Variants in TENM2 observed in about 807,000 individuals in gnomAD.
The protein encoded by TENM2 is teneurin-2.
In TENM2, 52 loss-of-function variants were observed where a neutral mutation model predicts 245.2. That is an observed-to-expected ratio of 0.21 (90% CI 0.17 to 0.27). The LOEUF (loss-of-function observed/expected upper bound fraction) is 0.27, where lower values mean the gene tolerates loss of function less well. Ranked by LOEUF, TENM2 falls within the 10% of genes least tolerant of loss-of-function variation. The pLI is 1.00. For synonymous variants in TENM2, 1,363 were observed against 1,438.9 expected, an observed-to-expected ratio of 0.95 and a Z score of 1.19; for missense variants, 3,046 against 3,666.8, an observed-to-expected ratio of 0.83 and a Z score of 4.37.
At chr5:167,286,896 G>C (rs964139678) in intron 1 of TENM2, among the ~76,000 whole-genome samples, 1 of 152,004 alleles carries the variant, frequency 6.6e-6, no homozygotes, top group Non-Finnish European at 1.5e-5. Flanking sequence ...GTTTAGTCTT[G>C]TTCCCCTCCA....
At chr5:167,696,663 T>C (rs773146230) in intron 2 of TENM2, among the ~76,000 whole-genome samples, 1 of 152,216 alleles carries the variant, frequency 6.6e-6, no homozygotes, top group Admixed American at 6.5e-5. Flanking sequence ...GAGAGTGTGC[T>C]GTATTTTCTA....
intron 7 of TENM2, among the ~76,000 whole-genome samples, chr5:168,073,740 A>G (rs1310540829): frequency 6.6e-6 from 1 of 152,208 alleles, no homozygotes; most frequent in Non-Finnish European, 1.5e-5. Context: ...AAAATAACAG[A>G]TCGAGACTTA....
chr5:167,630,487 G>T (rs527587801), intron 2 of TENM2, among the ~76,000 whole-genome samples: 1 of 152,044 alleles, frequency 6.6e-6, no homozygotes, highest in Non-Finnish European at 1.5e-5. Context: ...CTTATTTTTC[G>T]AATTTTTCAT....
chr5:167,016,523 C>T, the TENM2 span, among the ~76,000 whole-genome samples: 2 of 152,148 alleles, frequency 1.3e-5, no homozygotes, highest in East Asian at 3.9e-4. Context: ...AGTTTTTCTC[C>T]TGTCTTAACT....
the TENM2 span, among the ~76,000 whole-genome samples, chr5:167,196,904 A>G: frequency 2.6e-5 from 4 of 151,830 alleles, no homozygotes; most frequent in African/African-American, 9.7e-5. Context: ...CATTTCCTGG[A>G]ACTAATCTCC....
intron 12 of TENM2, among the ~76,000 whole-genome samples, chr5:168,151,042 A>G (rs1247666330): frequency 1.3e-5 from 2 of 152,178 alleles, no homozygotes; most frequent in Non-Finnish European, 2.9e-5. Flanking sequence ...TCACCCGTGA[A>G]CTGACCCTGG....
At chr5:167,783,903 G>A (rs1454211407) in intron 2 of TENM2, among the ~76,000 whole-genome samples, 2 of 152,020 alleles carry the variant, frequency 1.3e-5, no homozygotes, top group African/African-American at 4.8e-5. Flanking sequence ...GTCAAGCTTA[G>A]AGGTGCAGTG....
At chr5:167,968,201 T>C (rs1781519988) in intron 4 of TENM2, among the ~76,000 whole-genome samples, 1 of 152,228 alleles carries the variant, frequency 6.6e-6, no homozygotes, top group Non-Finnish European at 1.5e-5. Flanking sequence ...GTTTTTTTCT[T>C]TCAAAACCCA....
In TENM2 at chr5:167,785,795, C is replaced by T. The variant is rs146013928; in HGVS notation, c.503-90191C>T. ...TGACATTTCCTAAGAGAGCATTAGA[C>T]AAGGGACAGCAAGCTCAAATGTCCA... On this transcript the variant is annotated intron_variant, in intron 2 of 28. Coordinates refer to ENST00000518659, the Ensembl canonical transcript of TENM2. 3.0e-4 allele frequency among the ~76,000 whole-genome samples: 46 copies of T among 152,304 alleles called. No individual in the cohort carries two copies. In the East Asian group the frequency reaches 7.0e-3, roughly 23 times the overall value.
chr5:167,049,717 G>C, the TENM2 span, among the ~76,000 whole-genome samples: 1 of 152,126 alleles, frequency 6.6e-6, no homozygotes, highest in African/African-American at 2.4e-5. Flanking sequence ...TAGCAAGGTT[G>C]CTTATATTTG....
chr5:167,565,064 AAAG>A (rs1184488833), intron 2 of TENM2, among the ~76,000 whole-genome samples: 1 of 152,262 alleles, frequency 6.6e-6, no homozygotes, highest in East Asian at 1.9e-4. Context: ...AAAATCCAGA[AAAG>A]AAATGGTGAT....
chr5:167,762,982 C>T (rs942114941), intron 2 of TENM2, among the ~76,000 whole-genome samples: 1 of 152,168 alleles, frequency 6.6e-6, no homozygotes, highest in Admixed American at 6.5e-5. Flanking sequence ...TTTCCATTAT[C>T]ACTGATTACC....
the TENM2 span, among the ~76,000 whole-genome samples, chr5:167,022,166 T>C: frequency 6.6e-6 from 1 of 152,326 alleles, no homozygotes; most frequent in East Asian, 1.9e-4. Flanking sequence ...AGGAAATTCT[T>C]TAACATCTGC....
the TENM2 span, among the ~76,000 whole-genome samples, chr5:167,098,691 C>T: frequency 3.5e-4 from 54 of 152,192 alleles, no homozygotes; most frequent in Middle Eastern, 6.8e-3. Flanking sequence ...AGGGAATGGT[C>T]GAGTGTTTTG....
At chr5:167,975,697 T>G (rs1782387072) in intron 4 of TENM2, among the ~76,000 whole-genome samples, 1 of 152,176 alleles carries the variant, frequency 6.6e-6, no homozygotes, top group African/African-American at 2.4e-5. Context: ...TACCTATGGC[T>G]ATTACACAAA....
chr5:167,768,609 G>A (rs1415759378), intron 2 of TENM2, among the ~76,000 whole-genome samples: 2 of 152,116 alleles, frequency 1.3e-5, no homozygotes, highest in African/African-American at 4.8e-5. Flanking sequence ...TGGTGGTGGG[G>A]ATCCCAAGCT....
At chr5:167,103,415 G>A in the TENM2 span, among the ~76,000 whole-genome samples, 2 of 152,140 alleles carry the variant, frequency 1.3e-5, no homozygotes, top group Non-Finnish European at 2.9e-5. Context: ...TGTGTTTACC[G>A]AAGGAGTTCA....
At chr5:167,005,460 A>G in the TENM2 span, among the ~76,000 whole-genome samples, 2 of 152,142 alleles carry the variant, frequency 1.3e-5, no homozygotes, top group Non-Finnish European at 2.9e-5. Context: ...TTTCAAAAAT[A>G]TGGCTTCCTT....
chr5:167,166,810 T>C, the TENM2 span, among the ~76,000 whole-genome samples: 1 of 152,192 alleles, frequency 6.6e-6, no homozygotes, highest in Non-Finnish European at 1.5e-5. Context: ...ATTCTCATAA[T>C]GTCACATTCT....
Sources: gnomAD v4.1 joint callset for allele counts (sites outside exome capture counted in the v4.1 genomes callset) on GRCh38, gnomAD v4.1.1 for gene constraint, MANE v1.5 for transcripts, NCBI Gene and HGNC (gene_info 2026-07-23, HGNC 2026-07-21) for gene names.